Variants in LRP1B observed in about 807,000 individuals in gnomAD.
LRP1B encodes LDL receptor related protein 1B, also known as low-density lipoprotein receptor-related protein 1B.
Under a neutral mutation model 556.6 loss-of-function variants are expected in LRP1B, and 217 were observed. The observed-to-expected ratio is 0.39, with a 90% CI of 0.35 to 0.44. The LOEUF is 0.44. LRP1B is among the 20% of genes least tolerant of loss of function. LRP1B has a pLI of 1.00. For synonymous variants in LRP1B, 2,047 were observed against 1,865.8 expected (o/e 1.10, Z -2.50); for missense variants, 5,053 against 5,620.8 (o/e 0.90, Z 3.23).
At chr2:140,745,781 A>G (rs1457208360) in intron 35 of LRP1B, among the ~76,000 whole-genome samples, 3 of 152,192 alleles carry the variant, frequency 2.0e-5, no homozygotes, top group Non-Finnish European at 4.4e-5. Context: ...CCACTGCTTC[A>G]CAGTGACTAT....
chr2:141,331,578 T>C (rs912436879), intron 3 of LRP1B, among the ~76,000 whole-genome samples: 1 of 136,786 alleles, frequency 7.3e-6, no homozygotes, highest in African/African-American at 2.7e-5. Flanking sequence ...GGGGAATTTC[T>C]AATCTTATAA....
intron 3 of LRP1B, among the ~76,000 whole-genome samples, chr2:141,356,960 T>G (rs1688647931): frequency 6.6e-6 from 1 of 152,206 alleles, no homozygotes. Flanking sequence ...TGTCATGATA[T>G]GAAATGATCA....
chr2:141,278,491 T>A (rs1218325556), intron 3 of LRP1B, among the ~76,000 whole-genome samples: 1 of 152,142 alleles, frequency 6.6e-6, no homozygotes, highest in Non-Finnish European at 1.5e-5. Flanking sequence ...TATTATTTAA[T>A]TAACTACATG....
chr2:140,968,488 G>C (rs2380918), intron 18 of LRP1B, among the ~76,000 whole-genome samples: 127,706 of 150,518 alleles, frequency 0.85, 54,612 homozygotes, highest in Non-Finnish European at 0.91. Context: ...CTCCTGGATT[G>C]ATTGATTTTT....
At chr2:140,284,610 C>T (rs920873741) in intron 84 of LRP1B, among the ~76,000 whole-genome samples, 2 of 151,436 alleles carry the variant, frequency 1.3e-5, no homozygotes, top group Non-Finnish European at 3.0e-5. Flanking sequence ...TTCCTCCTTT[C>T]TTTCTATCTC....
chr2:140,658,829 T>C (rs1462617493), intron 41 of LRP1B, among the ~76,000 whole-genome samples: 1 of 152,058 alleles, frequency 6.6e-6, no homozygotes, highest in African/African-American at 2.4e-5. Flanking sequence ...CTACTTACAG[T>C]GAGCTGGAAA....
rs780163950 is a variant in LRP1B at position 140,851,710 on chromosome 2, A to C, written c.4653T>G (p.Ser1551Arg). Residue 1551 changes from serine (S) to arginine (R), a missense_variant, in exon 28 of 91, where the codon AGT becomes AGG. Ser to Arg is a moderately radical substitution (Grantham distance 110, BLOSUM62 -1). Around this residue, in one of 5 missense-constraint regions of LRP1B, gnomAD observed 3,619 missense variants for 3,931.9 expected, o/e 0.92. Transcript: ENST00000389484. ...SHMCLINHNR[S>R]AACACPHLMK... ...TCAAGTGGGGGCACGCACAGGCAGC[A>C]CTCCTATTGTGATTGATTAGACACA... is the stretch of plus-strand genomic sequence containing the variant. The C allele has an allele frequency of 1.2e-6, 2 of 1,611,196 alleles. No individual in the cohort carries two copies. The highest frequency in any genetic ancestry group is 3.4e-5 in the Admixed American group (2 of 59,222).
chr2:140,647,109 C>T (rs1574188059), intron 41 of LRP1B, among the ~76,000 whole-genome samples: 1 of 151,978 alleles, frequency 6.6e-6, no homozygotes, highest in African/African-American at 2.4e-5. Flanking sequence ...CATTTAAATG[C>T]AGTATTCTGA....
intron 3 of LRP1B, among the ~76,000 whole-genome samples, chr2:141,288,795 C>A (rs1685826336): frequency 6.6e-6 from 1 of 152,116 alleles, no homozygotes; most frequent in Non-Finnish European, 1.5e-5. Flanking sequence ...GAATAAGAGG[C>A]GTTTGTATTC....
At chr2:141,217,579 A>G (rs1682866463) in intron 6 of LRP1B, among the ~76,000 whole-genome samples, 1 of 152,194 alleles carries the variant, frequency 6.6e-6, no homozygotes, top group Non-Finnish European at 1.5e-5. Flanking sequence ...ACCATTTACA[A>G]AAATTAACTC....
At position 141,523,002 on chromosome 2, in the gene LRP1B, C is replaced by T. The variant is rs76692382; in HGVS notation, c.206-42469G>A. Among the ~76,000 whole-genome samples the T allele has an allele frequency of 4.3e-3, 662 of 152,206 alleles. 8 individuals carry two copies. Among genetic ancestry groups the T allele is most frequent in the African/African-American group, 0.014 (590 of 41,548 alleles). ...CAGTGATCTCCTCTGTCCTGGAGAACAATTCCTGTATATTATGAGGACTCT... is the reference window on the plus strand; with the variant it reads ...CAGTGATCTCCTCTGTCCTGGAGAATAATTCCTGTATATTATGAGGACTCT... On this transcript the variant is annotated intron_variant, in intron 2 of 90. Coordinates refer to ENST00000389484, the MANE Select transcript of LRP1B (RefSeq NM_018557.3).
At chr2:141,091,588 G>C (rs998481076) in intron 7 of LRP1B, among the ~76,000 whole-genome samples, 1 of 152,136 alleles carries the variant, frequency 6.6e-6, no homozygotes, top group Non-Finnish European at 1.5e-5. Context: ...GTGACTGTGG[G>C]TGTGTCTGAG....
At chr2:141,647,703 G>GTTTTTT (rs61107233) in intron 2 of LRP1B, among the ~76,000 whole-genome samples, 1 of 145,370 alleles carries the variant, frequency 6.9e-6, no homozygotes. Context: ...TAACCTTCTA[G>GTTTTTT]TTTTTTTTTT....
At chr2:140,284,354 G>A (rs28421535) in intron 84 of LRP1B, among the ~76,000 whole-genome samples, 77,962 of 136,498 alleles carry the variant, frequency 0.57, 23,726 homozygotes, top group Non-Finnish European at 0.69. Context: ...CTCAATTTTC[G>A]AAAACTGGAA....
At chr2:141,680,050 C>T (rs1203506548) in intron 2 of LRP1B, among the ~76,000 whole-genome samples, 2 of 151,752 alleles carry the variant, frequency 1.3e-5, no homozygotes, top group African/African-American at 4.8e-5. Flanking sequence ...GAGAAAAGAG[C>T]CTAAGAAAAT....
rs1031558723 is a variant in LRP1B, at chr2:140,770,748, C to G, written c.5626+133G>C. The G allele has an allele frequency of 2.4e-5, 14 of 572,852 alleles. No homozygotes were observed. The African/African-American group carries it at 2.7e-4, about 11-fold the overall frequency. 35.5% of individuals were successfully genotyped at this position (572,852 alleles called of 1,614,324 possible). Reference sequence around the variant, plus strand: ...AAAATCTTACACATATGAGACTAAACAGTATACCATTTCCTAATAACTAGT... The same window carrying G: ...AAAATCTTACACATATGAGACTAAAGAGTATACCATTTCCTAATAACTAGT... On this transcript the variant is annotated intron_variant, in intron 34 of 90. Transcript: ENST00000389484.
rs142899446 is a variant in LRP1B, at chr2:141,134,390, G to A, written c.1013+54031C>T. Among the ~76,000 whole-genome samples, 368 of 151,702 alleles carry A rather than the reference G, an allele frequency of 2.4e-3. 1 individual carries two copies. Among genetic ancestry groups the A allele is most frequent in the Middle Eastern group, 0.017 (5 of 294 alleles). ...CAAGATAAAACCCAATCTCCTACTT[G>A]GTATAAAACACCCTTTTGAGCCTAC... On this transcript the variant is annotated intron_variant, in intron 7 of 90. Transcript: ENST00000389484.
intron 2 of LRP1B, among the ~76,000 whole-genome samples, chr2:141,569,139 A>G (rs997644725): frequency 6.6e-6 from 1 of 151,118 alleles, no homozygotes; most frequent in Non-Finnish European, 1.5e-5. Context: ...AGTAAATCAG[A>G]TACAGATTCT....
rs114476158 is a variant in LRP1B at position 141,127,518 on chromosome 2, G to A, written c.1013+60903C>T. Among the ~76,000 whole-genome samples, 560 of 152,196 alleles carry A rather than the reference G, an allele frequency of 3.7e-3. 5 individuals are homozygous for A. The highest frequency in any genetic ancestry group is 0.013 in the African/African-American group (543 of 41,558). ...TGCCCATCAGTAATAGACTGGATAAGGGAAATGTGGCACATATACACCATG... is the reference window on the plus strand; with the variant it reads ...TGCCCATCAGTAATAGACTGGATAAAGGAAATGTGGCACATATACACCATG... On this transcript the variant is annotated intron_variant, in intron 7 of 90. Transcript: ENST00000389484.
Sources: gnomAD v4.1 joint callset for allele counts (sites outside exome capture counted in the v4.1 genomes callset) on GRCh38, gnomAD v4.1.1 for gene constraint, gnomAD v4.1.1 regional missense constraint, MANE v1.5 for transcripts, NCBI Gene and HGNC (gene_info 2026-07-23, HGNC 2026-07-21) for gene names.